The following CSMD1 variants were observed in gnomAD, a reference collection of about 807,000 sequenced individuals.
CSMD1 encodes CUB and sushi domain-containing protein 1.
In CSMD1, 213 loss-of-function variants were observed where a neutral mutation model predicts 417.5. That is an observed-to-expected ratio of 0.51 (90% CI 0.46 to 0.57). The LOEUF (loss-of-function observed/expected upper bound fraction) is 0.57. Ranked by LOEUF, CSMD1 falls within the 20% of genes least tolerant of loss-of-function variation. The probability of loss-of-function intolerance (pLI) is 0.00; values close to 1 mark genes in which losing one functional copy is unlikely to be tolerated. For synonymous variants in CSMD1, 2,862 were observed against 1,736.8 expected (o/e 1.65, Z -16.11); for missense variants, 6,923 against 4,529.7 (o/e 1.53, Z -15.17).
chr8:4,420,091 G>C (rs1224867537), intron 2 of CSMD1, 26 bp from the exon 3 acceptor site: 9 of 1,491,594 alleles, frequency 6.0e-6, no homozygotes, highest in African/African-American at 1.4e-5. Context: ...AAGACACAAA[G>C]AGAGTTAAAA....
At chr8:4,199,236 G>C (rs1323179729) in intron 3 of CSMD1, among the ~76,000 whole-genome samples, 1 of 152,170 alleles carries the variant, frequency 6.6e-6, no homozygotes, top group East Asian at 1.9e-4. Context: ...GTTAGACCTA[G>C]CCTATAGTGT....
At chr8:4,366,415 G>T (rs938767669) in intron 3 of CSMD1, among the ~76,000 whole-genome samples, 3 of 152,178 alleles carry the variant, frequency 2.0e-5, no homozygotes, top group African/African-American at 7.2e-5. Flanking sequence ...CTTTTTGACA[G>T]AATGATTTAT....
intron 2 of CSMD1, among the ~76,000 whole-genome samples, chr8:4,466,272 G>C (rs1041818268): frequency 6.6e-6 from 1 of 152,036 alleles, no homozygotes; most frequent in Non-Finnish European, 1.5e-5. Flanking sequence ...GGAAGAATAA[G>C]CTTGATGAGG....
chr8:3,507,492 T>A, intron 10 of CSMD1, among the ~76,000 whole-genome samples: 1 of 152,228 alleles, frequency 6.6e-6, no homozygotes, highest in Non-Finnish European at 1.5e-5. Context: ...TATAGCAGCA[T>A]GATTTATAAT....
At chr8:4,910,349 A>T (rs1215091599) in intron 1 of CSMD1, among the ~76,000 whole-genome samples, 1 of 152,296 alleles carries the variant, frequency 6.6e-6, no homozygotes, top group Middle Eastern at 3.4e-3. Context: ...ATCTTAGTCA[A>T]TTTTGGCTGC....
chr8:4,212,093 C>A (rs143150030), intron 3 of CSMD1, among the ~76,000 whole-genome samples: 5 of 151,392 alleles, frequency 3.3e-5, no homozygotes, highest in African/African-American at 9.7e-5. Flanking sequence ...GTCAACGGAA[C>A]GTAAAAGTCA....
chr8:3,135,982 G>A (rs1242925804), intron 41 of CSMD1, among the ~76,000 whole-genome samples: 1 of 152,120 alleles, frequency 6.6e-6, no homozygotes, highest in East Asian at 1.9e-4. Flanking sequence ...CTCCAGACAT[G>A]CCCCAGCCCA....
At chr8:4,662,890 G>C (rs1013018057) in intron 1 of CSMD1, among the ~76,000 whole-genome samples, 2 of 152,134 alleles carry the variant, frequency 1.3e-5, no homozygotes, top group African/African-American at 4.8e-5. Context: ...ATTCCAAAAT[G>C]AGTTAGCCAA....
At chr8:3,968,533 T>G (rs1218745354) in intron 5 of CSMD1, among the ~76,000 whole-genome samples, 4 of 152,176 alleles carry the variant, frequency 2.6e-5, no homozygotes, top group East Asian at 1.9e-4. Flanking sequence ...CAAATGCCAT[T>G]TTTTTTCAGA....
chr8:3,864,706 G>T (rs990828579), intron 5 of CSMD1, among the ~76,000 whole-genome samples: 1 of 152,046 alleles, frequency 6.6e-6, no homozygotes, highest in African/African-American at 2.4e-5. Flanking sequence ...TGGGAGGTTG[G>T]AACATTATGG....
intron 3 of CSMD1, among the ~76,000 whole-genome samples, chr8:4,100,100 T>G (rs879786873): frequency 1.3e-5 from 2 of 152,210 alleles, no homozygotes; most frequent in Non-Finnish European, 2.9e-5. Context: ...TCCTACTCAC[T>G]GGCTTTCTGA....
At chr8:3,023,490 T>C (rs1009056551) in intron 51 of CSMD1, among the ~76,000 whole-genome samples, 1 of 152,164 alleles carries the variant, frequency 6.6e-6, no homozygotes, top group Non-Finnish European at 1.5e-5. Flanking sequence ...CCTCTACATA[T>C]TCAATTTTAA....
At chr8:3,664,379 C>A (rs1280356375) in intron 7 of CSMD1, among the ~76,000 whole-genome samples, 1 of 152,198 alleles carries the variant, frequency 6.6e-6, no homozygotes, top group African/African-American at 2.4e-5. Flanking sequence ...GAAGCTTTTT[C>A]TGCTCCTGGT....
At chr8:4,735,572 G>C (rs1017473637) in intron 1 of CSMD1, among the ~76,000 whole-genome samples, 5 of 152,142 alleles carry the variant, frequency 3.3e-5, no homozygotes, top group African/African-American at 4.8e-5. Context: ...CCCACATACA[G>C]CTAAGAAAAG....
At chr8:3,611,603 T>G (rs1801897560) in intron 8 of CSMD1, among the ~76,000 whole-genome samples, 2 of 152,224 alleles carry the variant, frequency 1.3e-5, no homozygotes, top group Non-Finnish European at 2.9e-5. Context: ...AATTTTCATT[T>G]GTAATTTTCT....
At chr8:3,909,378 C>T (rs894919453) in intron 5 of CSMD1, among the ~76,000 whole-genome samples, 3 of 152,080 alleles carry the variant, frequency 2.0e-5, no homozygotes, top group African/African-American at 7.2e-5. Context: ...TCAGGAGGAA[C>T]CCAGACCAAA....
At chr8:4,316,917 G>C (rs1798969509) in intron 3 of CSMD1, among the ~76,000 whole-genome samples, 1 of 152,010 alleles carries the variant, frequency 6.6e-6, no homozygotes, top group African/African-American at 2.4e-5. Context: ...GAATAGAAAA[G>C]CCAGGTACTG....
At chr8:4,107,818 T>C (rs1801645223) in intron 3 of CSMD1, among the ~76,000 whole-genome samples, 1 of 152,166 alleles carries the variant, frequency 6.6e-6, no homozygotes, top group African/African-American at 2.4e-5. Flanking sequence ...TGAGCCTGCT[T>C]TATAAGAACG....
chr8:4,672,887 G>A lies in CSMD1; in HGVS notation c.86-35329C>T, dbSNP rs139893330. ...CATACATGGTAACATGGAGCACACC[G>A]AAACATGAGACAACAAACACATTCA... On this transcript the variant is annotated intron_variant, in intron 1 of 69. Transcript: ENST00000635120. Among the ~76,000 whole-genome samples the A allele has an allele frequency of 3.4e-3, 511 of 152,100 alleles. 1 individual carries two copies. Among genetic ancestry groups the A allele is most frequent in the Middle Eastern group, 0.01 (3 of 294 alleles).
Sources: gnomAD v4.1 joint callset for allele counts (sites outside exome capture counted in the v4.1 genomes callset) on GRCh38, gnomAD v4.1.1 for gene constraint, MANE v1.5 for transcripts, NCBI Gene and HGNC (gene_info 2026-07-23, HGNC 2026-07-21) for gene names.